ANKUB1: variants seen among roughly 807,000 people sequenced by gnomAD.
ANKUB1 encodes protein ANKUB1.
In ANKUB1, 42 loss-of-function variants were observed where a neutral mutation model predicts 49.3. That is an observed-to-expected ratio of 0.85 (90% confidence interval 0.67 to 1.10). ANKUB1 has a LOEUF of 1.10. Among genes scored for constraint, ANKUB1 ranks in the 50% least tolerant of loss-of-function variants. The pLI is 0.00. For missense variants in ANKUB1, 613 were observed against 642.0 expected (o/e 0.95, Z 0.49); for synonymous variants, 222 against 231.0 (o/e 0.96, Z 0.35).
intron 3 of ANKUB1, chr3:149,778,237 A>G (rs1717691787): frequency 6.6e-6 from 1 of 152,196 alleles, no homozygotes; most frequent in Non-Finnish European, 1.5e-5. Flanking sequence ...CTGTGTCCTC[A>G]TGGTGGCCAA....
rs1054047567 is a variant in ANKUB1 at position 149,761,168 on chromosome 3, AAAAC to A, written c.*312_*315del. On this transcript the variant is annotated 3_prime_UTR_variant, in exon 6 of 6. Coordinates refer to ENST00000446160, the MANE Select transcript of ANKUB1 (RefSeq NM_001144960.3). The stretch of plus-strand genomic sequence containing the variant: ...CACATTTTTTTAGGAAAAAAAAAGA[AAAAC>A]AAACAAAGGAACTGTAAAAATTCCC... 39 of 172,484 alleles carry A rather than the reference AAAAC, an allele frequency of 2.3e-4. No homozygotes were observed. The highest frequency in any genetic ancestry group is 7.6e-4 in the African/African-American group (32 of 42,292). 10.7% of individuals were successfully genotyped at this position (172,484 alleles called of 1,614,324 possible).
intron 3 of ANKUB1, among the ~76,000 whole-genome samples, chr3:149,777,946 A>C (rs1717676604): frequency 6.6e-6 from 1 of 152,192 alleles, no homozygotes; most frequent in Non-Finnish European, 1.5e-5. Context: ...CCTGGACATG[A>C]CTGCTTCTCC....
At chr3:149,774,171 T>A (rs1717489935) in intron 3 of ANKUB1, among the ~76,000 whole-genome samples, 1 of 152,342 alleles carries the variant, frequency 6.6e-6, no homozygotes, top group Middle Eastern at 3.4e-3. Context: ...AGACTAAGAT[T>A]TCATTTCTGA....
Position 149,767,308 on chromosome 3 carries a change from G to A in ANKUB1, c.1354C>T (p.Pro452Ser), listed in dbSNP as rs949602922. The change falls in exon 5 of 6, where the codon CCT becomes TCT. Residue 452 changes from proline (P) to serine (S), a missense_variant. Physicochemically the swap from Pro to Ser is moderately conservative, Grantham distance 74 (BLOSUM62 -1). Coordinates refer to ENST00000446160, the MANE Select transcript of ANKUB1 (RefSeq NM_001144960.3). ...GAATATCCCACTCTTGAAACTGGAG[G>A]GAGGGGGACTTGGGGAAGATATGTG... ...KNTYLPQVPL[P>S]PVSRVGYSHP... 92 of 1,551,476 alleles carry A rather than the reference G, an allele frequency of 5.9e-5. No homozygotes were observed. Among genetic ancestry groups the A allele is most frequent in the Non-Finnish European group, 7.8e-5 (90 of 1,146,978 alleles).
chr3:149,779,883 T>C, intron 3 of ANKUB1: 1 of 248,716 alleles, frequency 4.0e-6, no homozygotes, highest in South Asian at 5.3e-5. Context: ...TGATAATTCA[T>C]ATCCATACTG....
chr3:149,774,725 A>C (rs935401693), intron 3 of ANKUB1, among the ~76,000 whole-genome samples: 1 of 152,258 alleles, frequency 6.6e-6, no homozygotes, highest in African/African-American at 2.4e-5. Context: ...GCAATGAAAC[A>C]GTCCTGATAA....
intron 2 of ANKUB1, among the ~76,000 whole-genome samples, chr3:149,781,070 C>G (rs1298556177): frequency 6.7e-6 from 1 of 148,300 alleles, no homozygotes; most frequent in Non-Finnish European, 1.5e-5. Context: ...AAGCGATCTT[C>G]CTACCTTGGC....
intron 5 of ANKUB1, among the ~76,000 whole-genome samples, chr3:149,766,331 TTAA>T (rs1717012105): frequency 6.6e-6 from 1 of 152,232 alleles, no homozygotes; most frequent in Non-Finnish European, 1.5e-5. Context: ...CAATTTGTCA[TTAA>T]TGTGTTCCTT....
At chr3:149,761,715 A>G (rs930314221) in intron 5 of ANKUB1, 102 bp from the exon 6 acceptor site, 3 of 1,335,510 alleles carry the variant, frequency 2.2e-6, no homozygotes, top group Non-Finnish European at 3.0e-6. Flanking sequence ...AGCTAGGGCT[A>G]GTTTGTCTTG....
chr3:149,774,866 A>G (rs1717523799), intron 3 of ANKUB1, among the ~76,000 whole-genome samples: 1 of 152,212 alleles, frequency 6.6e-6, no homozygotes, highest in African/African-American at 2.4e-5. Context: ...AAGCCTAGGA[A>G]TTCTGTTGGG....
chr3:149,781,255 G>A (rs964069758), intron 2 of ANKUB1, among the ~76,000 whole-genome samples: 2 of 152,172 alleles, frequency 1.3e-5, no homozygotes, highest in African/African-American at 2.4e-5. Context: ...AAGATGGAAA[G>A]TTTGAGGAAA....
At chr3:149,771,470 G>A (rs1360985292) in intron 3 of ANKUB1, among the ~76,000 whole-genome samples, 1 of 152,144 alleles carries the variant, frequency 6.6e-6, no homozygotes, top group Non-Finnish European at 1.5e-5. Context: ...TTGATTGAAA[G>A]GATCTTCATC....
At position 149,767,970 on chromosome 3, in the gene ANKUB1, C is replaced by T. The variant is rs981778475; in HGVS notation, c.692G>A (p.Cys231Tyr). 3.9e-6 allele frequency: 6 copies of T among 1,539,514 alleles called. No homozygotes were observed. Among genetic ancestry groups the T allele is most frequent in the Non-Finnish European group, 5.3e-6 (6 of 1,138,098 alleles). Residue 231 changes from cysteine (C) to tyrosine (Y), a missense_variant, in exon 5 of 6, where the codon TGC becomes TAC. By Grantham distance (194) the Cys-to-Tyr change is radical (BLOSUM62 -2). Transcript: ENST00000446160. Reference sequence around the variant, plus strand: ...GACATCTGCATGAAGGGCTTCATGGCACCATGCTCGATAGGGGTGAACACC... The same window carrying T: ...GACATCTGCATGAAGGGCTTCATGGTACCATGCTCGATAGGGGTGAACACC... ...AVGVHPYRAW[C>Y]HEALHADVSK...
At position 149,780,471 on chromosome 3, in the gene ANKUB1, A is replaced by G; in HGVS notation, c.235-16T>C. The stretch of plus-strand genomic sequence containing the variant: ...TGTCTTCTTCCTAAAGGGAAAGAAA[A>G]GGAGGGAACTTATTGTCTGGAGGTT... On this transcript the variant is annotated splice_polypyrimidine_tract_variant and intron_variant, in intron 2 of 5. Coordinates refer to ENST00000446160, the MANE Select transcript of ANKUB1 (RefSeq NM_001144960.3). 6.5e-7 allele frequency: 1 copy of G among 1,541,032 alleles called. No individual in the cohort carries two copies. Among genetic ancestry groups the G allele is most frequent in the Non-Finnish European group, 8.8e-7 (1 of 1,137,114 alleles).
Position 149,761,130 on chromosome 3 carries a change from TA to T in ANKUB1, c.*353del, listed in dbSNP as rs990821908. 1.3e-5 allele frequency: 2 copies of T among 155,546 alleles called. No individual in the cohort carries two copies. The highest frequency in any genetic ancestry group is 4.8e-5 in the African/African-American group (2 of 41,512). 9.6% of individuals were successfully genotyped at this position (155,546 alleles called of 1,614,324 possible). A position where few individuals can be genotyped will look rare whatever the true frequency, so the allele number is the denominator to read the frequency against. On this transcript the variant is annotated 3_prime_UTR_variant, in exon 6 of 6. Coordinates refer to ENST00000446160, the MANE Select transcript of ANKUB1 (RefSeq NM_001144960.3). ...AAATATGTTCTACATTCATATGGCT[TA>T]AAAAACCAAAACACATTTTTTTAGG...
chr3:149,761,856 A>G (rs1321768161), intron 5 of ANKUB1, among the ~76,000 whole-genome samples: 2 of 152,210 alleles, frequency 1.3e-5, no homozygotes, highest in Admixed American at 1.3e-4. Context: ...AAAGCCACTC[A>G]ATATCATGTA....
At chr3:149,769,920 T>A (rs1414630759) in intron 4 of ANKUB1, among the ~76,000 whole-genome samples, 2 of 152,128 alleles carry the variant, frequency 1.3e-5, no homozygotes, top group Non-Finnish European at 2.9e-5. Flanking sequence ...TTGAACAACA[T>A]GAGTTTGAAC....
chr3:149,785,627 A>G (rs1168354364), intron 2 of ANKUB1, among the ~76,000 whole-genome samples: 1 of 152,192 alleles, frequency 6.6e-6, no homozygotes, highest in African/African-American at 2.4e-5. Flanking sequence ...TCCATGGTGT[A>G]TATGTGCCAC....
intron 2 of ANKUB1, 87 bp downstream of exon 2, chr3:149,790,694 G>A (rs1325304112): frequency 6.1e-6 from 8 of 1,311,888 alleles, no homozygotes; most frequent in Non-Finnish European, 7.2e-6. Context: ...TTCTTTTTAA[G>A]TTATGGAATT....
Sources: allele counts gnomAD v4.1 joint callset (sites outside exome capture counted in the v4.1 genomes callset), GRCh38; gene constraint gnomAD v4.1.1; transcripts MANE v1.5; gene names NCBI Gene and HGNC (gene_info 2026-07-23, HGNC 2026-07-21).